Variants in DTNB observed in about 807,000 individuals in gnomAD.
DTNB encodes the protein DTN-B.
A neutral mutation model predicts 90.7 loss-of-function variants in DTNB; 63 were observed. The observed-to-expected ratio is 0.69, with a 90% confidence interval of 0.57 to 0.86. DTNB has a LOEUF of 0.86. Among genes scored for constraint, DTNB ranks in the 40% least tolerant of loss-of-function variants. DTNB has a pLI of 0.00. For synonymous variants in DTNB, 277 were observed against 286.7 expected, an observed-to-expected ratio of 0.97 and a Z score of 0.34; for missense variants, 744 against 807.1, an observed-to-expected ratio of 0.92 and a Z score of 0.95.
In DTNB at chr2:25,410,930, TTTTC is replaced by T. The variant is rs1475283945; in HGVS notation, c.1575+8581_1575+8584del. Among the ~76,000 whole-genome samples, 9 of 147,212 alleles carry T rather than the reference TTTTC, an allele frequency of 6.1e-5. No homozygotes were observed. In the East Asian group the frequency reaches 1.5e-3, roughly 25 times the overall value. The stretch of plus-strand genomic sequence containing the variant: ...CTTGGTAAACAACTTAGGAACTGCC[TTTTC>T]TTTTTTTTTTTTTTTTTTAAACCCA... On this transcript the variant is annotated intron_variant, in intron 16 of 20. Transcript: ENST00000406818.
intron 10 of DTNB, among the ~76,000 whole-genome samples, chr2:25,456,969 C>T (rs1574705614): frequency 6.6e-6 from 1 of 152,070 alleles, no homozygotes; most frequent in East Asian, 1.9e-4. Flanking sequence ...ACCTTATTAG[C>T]TTTCCTGCTT....
intron 19 of DTNB, among the ~76,000 whole-genome samples, chr2:25,382,866 T>C (rs931410355): frequency 6.6e-6 from 1 of 152,106 alleles, no homozygotes; most frequent in Admixed American, 6.5e-5. Flanking sequence ...GAACAACATC[T>C]CTCTGAGCCT....
intron 9 of DTNB, among the ~76,000 whole-genome samples, chr2:25,489,769 C>T (rs1408750583): frequency 2.0e-5 from 3 of 151,802 alleles, no homozygotes; most frequent in African/African-American, 4.8e-5. Context: ...TAGAAAAACA[C>T]CAGTTAATTT....
chr2:25,638,890 A>G (rs2077630143), intron 3 of DTNB, 124 bp downstream of exon 3: 1 of 934,716 alleles, frequency 1.1e-6, no homozygotes, highest in Admixed American at 3.4e-5. Context: ...AAGCTTACAT[A>G]CTAATAAATA....
intron 1 of DTNB, among the ~76,000 whole-genome samples, chr2:25,653,431 TTA>T (rs1559397959): frequency 6.8e-6 from 1 of 147,164 alleles, no homozygotes; most frequent in Non-Finnish European, 1.5e-5. Context: ...CGTTTTTTTT[TTA>T]AAAAAAAAAA....
intron 5 of DTNB, among the ~76,000 whole-genome samples, chr2:25,603,899 C>T (rs2066454882): frequency 6.6e-6 from 1 of 152,150 alleles, no homozygotes; most frequent in Admixed American, 6.5e-5. Context: ...ATTCAGCCAC[C>T]TCAACTAAGT....
chr2:25,481,016 T>C (rs759974964), intron 10 of DTNB, among the ~76,000 whole-genome samples: 15 of 152,200 alleles, frequency 9.9e-5, no homozygotes, highest in Middle Eastern at 3.2e-3. Flanking sequence ...CATTCCAGTT[T>C]ATTTCCTAAG....
At chr2:25,521,705 G>A (rs1429077955) in intron 9 of DTNB, among the ~76,000 whole-genome samples, 3 of 152,020 alleles carry the variant, frequency 2.0e-5, no homozygotes, top group Admixed American at 6.6e-5. Flanking sequence ...CTTTACTTAC[G>A]GACACTGACG....
At chr2:25,526,384 T>C (rs1431053819) in intron 9 of DTNB, among the ~76,000 whole-genome samples, 1 of 53,540 alleles carries the variant, frequency 1.9e-5, no homozygotes, top group Non-Finnish European at 3.3e-5. Context: ...TATATATATA[T>C]ATATATATAT....
chr2:25,562,817 C>T (rs1034884912), intron 8 of DTNB, among the ~76,000 whole-genome samples: 9 of 152,016 alleles, frequency 5.9e-5, no homozygotes, highest in Non-Finnish European at 1.3e-4. Context: ...CTGTCACCCA[C>T]GCTGCAGTGC....
Position 25,519,298 on chromosome 2 carries a change from G to T in DTNB, c.1001+12175C>A, listed in dbSNP as rs557681386. On this transcript the variant is annotated intron_variant, in intron 9 of 20. Coordinates refer to ENST00000406818, the MANE Select transcript of DTNB (RefSeq NM_021907.5). ...AGGATCTCTTGAGCCCAGGAGTTTT[G>T]AGGTTACAATGAGCTGTGATCATGT... Among the ~76,000 whole-genome samples, 3 of 151,632 alleles carry T rather than the reference G, an allele frequency of 2.0e-5. No homozygotes were observed. The South Asian group carries it at 6.3e-4, about 32-fold the overall frequency.
chr2:25,608,035 A>G (rs1397391501), intron 4 of DTNB, among the ~76,000 whole-genome samples: 2 of 152,196 alleles, frequency 1.3e-5, no homozygotes, highest in Non-Finnish European at 2.9e-5. Context: ...CCTGACCCAA[A>G]GTGTCCACGG....
chr2:25,417,178 A>G (rs1252555874), intron 16 of DTNB, among the ~76,000 whole-genome samples: 2 of 152,198 alleles, frequency 1.3e-5, no homozygotes, highest in East Asian at 1.9e-4. Context: ...GGACAGTCCT[A>G]TAAGACTGTA....
intron 9 of DTNB, among the ~76,000 whole-genome samples, chr2:25,487,171 T>C (rs976712453): frequency 1.3e-5 from 2 of 152,172 alleles, no homozygotes; most frequent in South Asian, 2.1e-4. Flanking sequence ...TAACTGTATA[T>C]AGATGGAGAC....
chr2:25,588,995 C>T (rs180914934), intron 6 of DTNB, among the ~76,000 whole-genome samples: 1 of 152,334 alleles, frequency 6.6e-6, no homozygotes, highest in African/African-American at 2.4e-5. Context: ...ACCTGCCAGG[C>T]AATGCTTGCC....
intron 4 of DTNB, among the ~76,000 whole-genome samples, chr2:25,621,846 C>G (rs759554855): frequency 7.9e-5 from 12 of 151,898 alleles, no homozygotes; most frequent in Non-Finnish European, 1.3e-4. Flanking sequence ...ATATAAGTAT[C>G]TTTACACCAA....
chr2:25,613,715 G>A (rs543829401), intron 4 of DTNB, among the ~76,000 whole-genome samples: 13 of 151,118 alleles, frequency 8.6e-5, no homozygotes, highest in South Asian at 8.4e-4. Flanking sequence ...ATCGCAACAC[G>A]TTGGGAGGCC....
chr2:25,583,532 T>G (rs553155025), intron 6 of DTNB, among the ~76,000 whole-genome samples: 3 of 152,098 alleles, frequency 2.0e-5, no homozygotes, highest in Middle Eastern at 3.4e-3. Flanking sequence ...TGTTGTTGTT[T>G]TTTGAGACAG....
At chr2:25,619,225 C>G (rs1247740722) in intron 4 of DTNB, among the ~76,000 whole-genome samples, 1 of 152,148 alleles carries the variant, frequency 6.6e-6, no homozygotes, top group Non-Finnish European at 1.5e-5. Context: ...ATTGTGGATG[C>G]TGCCAACCAC....
Sources: allele counts gnomAD v4.1 joint callset (sites outside exome capture counted in the v4.1 genomes callset), GRCh38; gene constraint gnomAD v4.1.1; transcripts MANE v1.5; gene names NCBI Gene and HGNC (gene_info 2026-07-23, HGNC 2026-07-21).